The following ELAVL4 variants were observed in gnomAD, a reference collection of about 807,000 sequenced individuals.
ELAVL4 encodes ELAV like RNA binding protein 4.
In ELAVL4, 1 loss-of-function variant was observed where a neutral mutation model predicts 35.6. The observed-to-expected ratio is 0.03, with a 90% CI of 0.01 to 0.13. The LOEUF (loss-of-function observed/expected upper bound fraction) is 0.13. ELAVL4 is among the 10% of genes least tolerant of loss of function. The pLI is 1.00. For missense variants in ELAVL4, 267 were observed against 464.9 expected, an observed-to-expected ratio of 0.57 and a Z score of 3.91; for synonymous variants, 156 against 171.0, an observed-to-expected ratio of 0.91 and a Z score of 0.69.
chr1:50,091,310 C>G (rs1461651827), intron 1 of ELAVL4, among the ~76,000 whole-genome samples: 1 of 152,154 alleles, frequency 6.6e-6, no homozygotes, highest in Admixed American at 6.6e-5. Flanking sequence ...ATGCTGGCAG[C>G]GTCTTACTAA....
chr1:50,147,737 G>A (rs978941032), intron 2 of ELAVL4, among the ~76,000 whole-genome samples: 1 of 152,086 alleles, frequency 6.6e-6, no homozygotes, highest in African/African-American at 2.4e-5. Flanking sequence ...AATGCATCTC[G>A]ATCCTGTGAA....
chr1:50,198,101 A>T (rs1644166405), intron 6 of ELAVL4, among the ~76,000 whole-genome samples: 1 of 152,154 alleles, frequency 6.6e-6, no homozygotes, highest in Non-Finnish European at 1.5e-5. Context: ...AGTTCTTATA[A>T]ATCCTCCCTT....
rs115139546 is a variant in ELAVL4 at position 50,128,810 on chromosome 1, T to G, written c.10-16147T>G. Among the ~76,000 whole-genome samples, 220 of 152,166 alleles carry G rather than the reference T, an allele frequency of 1.4e-3. 1 individual carries two copies. Among genetic ancestry groups the G allele is most frequent in the African/African-American group, 5.1e-3 (211 of 41,528 alleles). ...GAAGGCTGTGGCCTGGAATGTGCAT[T>G]CCAGGGCTTATGGAACTTGTAGTGG... is the stretch of plus-strand genomic sequence containing the variant. On this transcript the variant is annotated intron_variant, in intron 1 of 6. Coordinates refer to ENST00000371824, the MANE Select transcript of ELAVL4 (RefSeq NM_001144774.3).
chr1:50,176,861 A>C (rs1356358275), intron 2 of ELAVL4, among the ~76,000 whole-genome samples: 1 of 152,238 alleles, frequency 6.6e-6, no homozygotes, highest in Non-Finnish European at 1.5e-5. Flanking sequence ...TAGCTTGCAC[A>C]GCTCCTAAAG....
rs1247070629 is a variant in ELAVL4, at chr1:50,193,933, T to C, written c.508+15T>C. 1.1e-5 allele frequency: 18 copies of C among 1,613,214 alleles called. No homozygotes were observed. Among genetic ancestry groups the C allele is most frequent in the South Asian group, 2.2e-5 (2 of 90,860 alleles). On this transcript the variant is annotated intron_variant, in intron 4 of 6. Transcript: ENST00000371824. ...TCAAGTCACAGGTTAAGTGTTTCTT[T>C]GTAATTTCTTTCCTTGTATATCAAT... is the stretch of plus-strand genomic sequence containing the variant.
chr1:50,139,025 A>T (rs1672369360), intron 1 of ELAVL4, among the ~76,000 whole-genome samples: 2 of 152,218 alleles, frequency 1.3e-5, no homozygotes, highest in African/African-American at 2.4e-5. Flanking sequence ...ATTGAAAAAA[A>T]ATCTGCATTT....
chr1:50,068,192 G>A (rs1273453384), intron 1 of ELAVL4, among the ~76,000 whole-genome samples: 2 of 152,160 alleles, frequency 1.3e-5, no homozygotes, highest in African/African-American at 4.8e-5. Context: ...TCAGTAGGTG[G>A]TCAGGGATAT....
At chr1:50,102,973 T>G (rs1007552441), upstream of ELAVL4, among the ~76,000 whole-genome samples, 1 of 152,236 alleles carries the variant, frequency 6.6e-6, no homozygotes, top group African/African-American at 2.4e-5. Flanking sequence ...ACTTCAAATT[T>G]TCTTTCCCAG....
intron 1 of ELAVL4, among the ~76,000 whole-genome samples, chr1:50,055,804 A>G (rs770269050): frequency 9.9e-5 from 15 of 152,086 alleles, no homozygotes; most frequent in Non-Finnish European, 4.4e-5. Context: ...TTACAGGAAA[A>G]GTTTTGAAGT....
At chr1:50,080,128 C>T (rs915459058) in intron 1 of ELAVL4, among the ~76,000 whole-genome samples, 4 of 152,156 alleles carry the variant, frequency 2.6e-5, no homozygotes, top group Admixed American at 2.0e-4. Flanking sequence ...CATACAGTCT[C>T]AGAGAAAGTT....
rs547169196 is a variant in ELAVL4 at position 50,157,145 on chromosome 1, T to A, written c.250+11948T>A. 2.1e-4 allele frequency among the ~76,000 whole-genome samples: 32 copies of A among 152,302 alleles called. 1 individual carries two copies. The South Asian group carries it at 4.8e-3, about 23-fold the overall frequency. ...TCAGGATAATTTCTGAGATTTTTTT[T>A]AAAATTAGGCCACTTCTATAAGTGG... On this transcript the variant is annotated intron_variant, in intron 2 of 6. Coordinates refer to ENST00000371824, the MANE Select transcript of ELAVL4 (RefSeq NM_001144774.3).
intron 1 of ELAVL4, 152 bp downstream of exon 1, chr1:50,109,350 G>A (rs1666677067): frequency 1.3e-6 from 1 of 762,254 alleles, no homozygotes; most frequent in East Asian, 2.7e-5. Flanking sequence ...AGAGAGTGCG[G>A]GTAGGTCCTT....
intron 6 of ELAVL4, among the ~76,000 whole-genome samples, chr1:50,199,002 A>G (rs1644234695): frequency 6.6e-6 from 1 of 152,204 alleles, no homozygotes; most frequent in African/African-American, 2.4e-5. Context: ...GGGTCAACTC[A>G]CTTGGTTGGA....
chr1:50,110,974 A>G (rs565382587), intron 1 of ELAVL4, among the ~76,000 whole-genome samples: 34 of 152,132 alleles, frequency 2.2e-4, no homozygotes, highest in South Asian at 6.2e-4. Flanking sequence ...GTAAAAAAAA[A>G]GGGGAGGGGG....
At chr1:50,048,137 C>A in exon 1 of ELAVL4, 1 of 1,517,294 alleles carries the variant, frequency 6.6e-7, no homozygotes, top group South Asian at 1.2e-5. Flanking sequence ...GCCTCCGCAG[C>A]CTCGGGCCGG....
chr1:50,108,593 G>A (rs1034324736), upstream of ELAVL4, among the ~76,000 whole-genome samples: 1 of 152,082 alleles, frequency 6.6e-6, no homozygotes. Context: ...GGAAAAGAAG[G>A]ACCCTCCCAC....
chr1:50,093,098 C>G (rs1296009379), intron 1 of ELAVL4, among the ~76,000 whole-genome samples: 1 of 152,134 alleles, frequency 6.6e-6, no homozygotes, highest in Non-Finnish European at 1.5e-5. Context: ...GAAATTAATT[C>G]TTGAACTTGA....
intron 2 of ELAVL4, among the ~76,000 whole-genome samples, chr1:50,164,546 A>G (rs1255712800): frequency 2.0e-5 from 3 of 152,224 alleles, no homozygotes; most frequent in African/African-American, 7.2e-5. Context: ...GGCACATGCC[A>G]GTGCTTTGGG....
intron 1 of ELAVL4, among the ~76,000 whole-genome samples, chr1:50,068,610 AT>A (rs1386894859): frequency 6.6e-6 from 1 of 152,168 alleles, no homozygotes; most frequent in Admixed American, 6.5e-5. Context: ...TCAAGGGTTG[AT>A]TTTTGAACTG....
Sources: gnomAD v4.1 joint callset for allele counts (sites outside exome capture counted in the v4.1 genomes callset) on GRCh38, gnomAD v4.1.1 for gene constraint, MANE v1.5 for transcripts, NCBI Gene and HGNC (gene_info 2026-07-23, HGNC 2026-07-21) for gene names.